MRPS15: variants seen among roughly 807,000 people sequenced by gnomAD.
MRPS15 encodes the protein mitochondrial ribosomal protein S15.
Under a neutral mutation model 30.7 loss-of-function variants are expected in MRPS15, and 25 were observed. The observed-to-expected ratio is 0.81, with a 90% CI of 0.59 to 1.14. The LOEUF (loss-of-function observed/expected upper bound fraction) is 1.14. Among genes scored for constraint, MRPS15 ranks in the 50% most tolerant of loss-of-function variants. The pLI, the probability that MRPS15 is intolerant of heterozygous loss-of-function variation, is 0.00. For missense variants in MRPS15, 313 were observed against 321.7 expected (o/e 0.97, Z 0.21); for synonymous variants, 124 against 120.1 (o/e 1.03, Z -0.21).
chr1:36,463,839 G>A lies in MRPS15; in HGVS notation c.142C>T (p.Gln48Ter). 3 of 1,612,546 alleles carry A rather than the reference G, an allele frequency of 1.9e-6. No homozygotes were observed. The South Asian group carries it at 3.3e-5, about 18-fold the overall frequency. Reference protein sequence around the residue: ...WGLQPRSLLLQAARGYVVRKP... With the variant: ...WGLQPRSLLL The stretch of plus-strand genomic sequence containing the variant: ...CGGACGACATATCCGCGCGCGGCCT[G>A]GAGGAGGAGACCTACGCAGAAAAGA... Residue 48 changes from glutamine (Q) to a stop codon, truncating the protein, a stop_gained, in exon 2 of 8, where the codon CAG becomes TAG. Coordinates refer to ENST00000373116, the MANE Select transcript of MRPS15 (RefSeq NM_031280.4). LOFTEE classifies it high-confidence loss of function.
chr1:36,456,211 C>A lies in MRPS15; in HGVS notation c.612G>T (p.Val204=). 6.2e-7 allele frequency: 1 copy of A among 1,611,384 alleles called. No homozygotes were observed. Among genetic ancestry groups the A allele is most frequent in the South Asian group, 1.1e-5 (1 of 90,684 alleles). Reference sequence around the variant, plus strand: ...CCCGAATGCACAGAGCCTTCTTGGTCACGAATCGGCGGTGGGCTCTTCGGT... The same window carrying A: ...CCCGAATGCACAGAGCCTTCTTGGTAACGAATCGGCGGTGGGCTCTTCGGT... The part of the protein sequence containing the change: ...LYYRRAHRRF[V]TKKALCIRVF... Residue 204 remains valine (V), a synonymous_variant, in exon 7 of 8, where the codon GTG becomes GTT. Transcript: ENST00000373116.
At position 36,462,474 on chromosome 1, in the gene MRPS15, T is replaced by G. The variant is rs545018719; in HGVS notation, c.176-311A>C. ...GTCCTCCTGTGGATAGGACAGAGTTTGACTCCCTTGGAATCCACCATAGTC... is the reference window on the plus strand; with the variant it reads ...GTCCTCCTGTGGATAGGACAGAGTTGGACTCCCTTGGAATCCACCATAGTC... On this transcript the variant is annotated intron_variant, in intron 2 of 7. Coordinates refer to ENST00000373116, the MANE Select transcript of MRPS15 (RefSeq NM_031280.4). Among the ~76,000 whole-genome samples, 4 of 152,320 alleles carry G rather than the reference T, an allele frequency of 2.6e-5. No homozygotes were observed. The South Asian group carries it at 8.3e-4, about 32-fold the overall frequency.
chr1:36,464,093 C>A, intron 1 of MRPS15, 53 bp downstream of exon 1: 1 of 1,397,188 alleles, frequency 7.2e-7, no homozygotes, highest in Non-Finnish European at 9.7e-7. Flanking sequence ...TATTCCCTAT[C>A]TTCGCCGAAC....
chr1:36,459,602 A>G (rs575348220), intron 5 of MRPS15: 1 of 152,320 alleles, frequency 6.6e-6, no homozygotes, highest in South Asian at 2.1e-4. Context: ...GGGAAGCTGA[A>G]ACTCATCTTC....
chr1:36,464,359 C>T lies in MRPS15; in HGVS notation c.-84G>A. The T allele has an allele frequency of 6.5e-7, 1 of 1,533,508 alleles. No individual in the cohort carries two copies. Among genetic ancestry groups the T allele is most frequent in the East Asian group, 2.3e-5 (1 of 43,240 alleles). 95.0% of individuals were successfully genotyped at this position (1,533,508 alleles called of 1,614,324 possible). Reference sequence around the variant, plus strand: ...ACCGGGTTACATGGGCGCCGCCATGCTGGCCCAGGATCGACCAATCGAGGC... The same window carrying T: ...ACCGGGTTACATGGGCGCCGCCATGTTGGCCCAGGATCGACCAATCGAGGC... On this transcript the variant is annotated 5_prime_UTR_variant, in exon 1 of 8. Coordinates refer to ENST00000373116, the MANE Select transcript of MRPS15 (RefSeq NM_031280.4).
rs775855691 is a variant in MRPS15 at position 36,457,910 on chromosome 1, G to A, written c.444+13C>T. ...CTGCTGCTGTTTAACTGTGAATGAC[G>A]TCCAGAGTTTACCTTTCGATGTTTC... On this transcript the variant is annotated intron_variant, in intron 6 of 7. Transcript: ENST00000373116. 4.3e-6 allele frequency: 7 copies of A among 1,613,262 alleles called. No individual in the cohort carries two copies. The highest frequency in any genetic ancestry group is 1.7e-5 in the Admixed American group (1 of 59,986).
At chr1:36,460,876 G>A in intron 4 of MRPS15, 100 bp from the exon 5 acceptor site, 1 of 950,950 alleles carries the variant, frequency 1.1e-6, no homozygotes, top group Admixed American at 2.0e-5. Flanking sequence ...TAGCAACTAG[G>A]GCCATAAGGC....
intron 2 of MRPS15, among the ~76,000 whole-genome samples, chr1:36,462,640 TCA>T (rs1650120479): frequency 6.6e-6 from 1 of 152,120 alleles, no homozygotes; most frequent in Non-Finnish European, 1.5e-5. Context: ...CAGGAAAACC[TCA>T]GTCTTGGTGT....
At chr1:36,457,664 C>G (rs1287948012) in intron 6 of MRPS15, among the ~76,000 whole-genome samples, 1 of 152,196 alleles carries the variant, frequency 6.6e-6, no homozygotes, top group East Asian at 1.9e-4. Context: ...CCAGGGCAAT[C>G]TGACTCCATT....
In MRPS15 at chr1:36,461,278, C is replaced by A. The variant is rs763883013; in HGVS notation, c.286G>T (p.Glu96Ter). 1.2e-6 allele frequency: 2 copies of A among 1,614,032 alleles called. No individual in the cohort carries two copies. The highest frequency in any genetic ancestry group is 3.3e-5 in the Admixed American group (2 of 59,994). The change falls in exon 4 of 8, where the codon GAA (glutamate) becomes TAA (stop). Residue 96 changes from glutamate (E) to a stop codon, truncating the protein, a stop_gained. Transcript: ENST00000373116. LOFTEE classifies it high-confidence loss of function. ...DDVVKRLLSL[E>*]MANKKEMLKI... Reference sequence around the variant, plus strand: ...AGGCTGCTCACCTTGTTGGCCATTTCCAAAGACAAGAGTCTTTTCACGACA... The same window carrying A: ...AGGCTGCTCACCTTGTTGGCCATTTACAAAGACAAGAGTCTTTTCACGACA...
At chr1:36,461,692 G>A (rs1650102263) in intron 3 of MRPS15, among the ~76,000 whole-genome samples, 2 of 152,342 alleles carry the variant, frequency 1.3e-5, no homozygotes, top group South Asian at 2.1e-4. Context: ...TGGCTTTGGT[G>A]TCAGTCAGCC....
At chr1:36,462,300 C>T (rs551960388) in intron 2 of MRPS15, 137 bp from the exon 3 acceptor site, 33 of 608,528 alleles carry the variant, frequency 5.4e-5, no homozygotes, top group Admixed American at 5.1e-4. Flanking sequence ...GGATATCTCT[C>T]GGCTCAGTTT....
At chr1:36,457,621 C>G (rs59433502) in intron 6 of MRPS15, among the ~76,000 whole-genome samples, 15,848 of 152,228 alleles carry the variant, frequency 0.1, 976 homozygotes, top group East Asian at 0.29. Context: ...CACACAGCTA[C>G]TTAAGTGGAA....
Position 36,464,357 on chromosome 1 carries a change from T to C in MRPS15, c.-82A>G. 3 of 1,539,172 alleles carry C rather than the reference T, an allele frequency of 1.9e-6. No homozygotes were observed. Among genetic ancestry groups the C allele is most frequent in the Non-Finnish European group, 2.6e-6 (3 of 1,141,908 alleles). On this transcript the variant is annotated 5_prime_UTR_variant, in exon 1 of 8. The change abolishes an upstream ATG in the 5' untranslated region. Coordinates refer to ENST00000373116, the MANE Select transcript of MRPS15 (RefSeq NM_031280.4). ...GGACCGGGTTACATGGGCGCCGCCA[T>C]GCTGGCCCAGGATCGACCAATCGAG...
Position 36,464,262 on chromosome 1 carries a change from G to A in MRPS15, c.14C>T (p.Ala5Val). The A allele has an allele frequency of 1.2e-6, 2 of 1,613,816 alleles. No homozygotes were observed. Among genetic ancestry groups the A allele is most frequent in the East Asian group, 2.2e-5 (1 of 44,854 alleles). The change falls in exon 1 of 8, where the codon GCG (alanine) becomes GTG (valine). Residue 5 changes from alanine to valine, a missense_variant. Transcript: ENST00000373116. MLRVAWRTLSLIRTR... is the reference protein window; with the variant it reads MLRVVWRTLSLIRTR... Reference sequence around the variant, plus strand: ...CCGAATCAAACTCAGCGTCCTCCACGCGACCCTCAGCATGGTGACCTCTAA... The same window carrying A: ...CCGAATCAAACTCAGCGTCCTCCACACGACCCTCAGCATGGTGACCTCTAA...
At chr1:36,456,576 T>C in intron 6 of MRPS15, 198 bp from the exon 7 acceptor site, 1 of 571,260 alleles carries the variant, frequency 1.8e-6, no homozygotes, top group Non-Finnish European at 3.0e-6. Flanking sequence ...GTTATCTGAT[T>C]CACAAAAGGT....
At chr1:36,464,082 T>TTCTCCCCTACTCCTGTGCTTCCC in intron 1 of MRPS15, 64 bp downstream of exon 1, 1 of 1,591,068 alleles carries the variant, frequency 6.3e-7, no homozygotes, top group Non-Finnish European at 8.6e-7. Flanking sequence ...CTGTGCTTCC[T>TTCTCCCCTACTCCTGTGCTTCCC]TATTCCCTAT....
At chr1:36,462,419 C>G (rs1048019282) in intron 2 of MRPS15, among the ~76,000 whole-genome samples, 1 of 152,202 alleles carries the variant, frequency 6.6e-6, no homozygotes, top group Non-Finnish European at 1.5e-5. Context: ...CTATCTGGCT[C>G]TACAGTTCTC....
Position 36,464,324 on chromosome 1 carries a change from T to C in MRPS15, c.-49A>G. ...CCCGCGCCGCGGCCGCCGTTCGCTT[T>C]GCGGCACGGACCGGGTTACATGGGC... On this transcript the variant is annotated 5_prime_UTR_variant, in exon 1 of 8. Transcript: ENST00000373116. 2 of 1,589,448 alleles carry C rather than the reference T, an allele frequency of 1.3e-6. No homozygotes were observed. The highest frequency in any genetic ancestry group is 1.7e-6 in the Non-Finnish European group (2 of 1,167,092).
Sources: gnomAD v4.1 joint callset for allele counts (sites outside exome capture counted in the v4.1 genomes callset) on GRCh38, gnomAD v4.1.1 for gene constraint, MANE v1.5 for transcripts, NCBI Gene and HGNC (gene_info 2026-07-23, HGNC 2026-07-21) for gene names.